Variants in LRRC23 observed in about 807,000 individuals in gnomAD.
LRRC23 encodes the protein leucine-rich repeat-containing protein 23.
A neutral mutation model predicts 37.7 loss-of-function variants in LRRC23; 28 were observed. The ratio of observed to expected loss-of-function variants is 0.74; its 90% CI spans 0.55 to 1.02. The LOEUF (loss-of-function observed/expected upper bound fraction) is 1.02. LRRC23 is among the 50% of genes least tolerant of loss of function. The pLI is 0.00. For synonymous variants in LRRC23, 161 were observed against 165.4 expected (o/e 0.97, Z 0.20); for missense variants, 377 against 413.2 (o/e 0.91, Z 0.76).
At position 6,914,026 on chromosome 12, in the gene LRRC23, TGTGCCG is replaced by T; in HGVS notation, c.*163_*168del. ...ACAACCTGAGGCCCAGGATCTGCTCTGTGCCGGTCCTCTGGGCAGTGTGGGGTGCAG... is the reference window on the plus strand; with the variant it reads ...ACAACCTGAGGCCCAGGATCTGCTCTGTCCTCTGGGCAGTGTGGGGTGCAG... On this transcript the variant is annotated 3_prime_UTR_variant, in exon 8 of 8. Transcript: ENST00000443597. The surrounding 1 kb of genome is among the most constrained non-coding windows in gnomAD (Gnocchi z 7.1). The T allele has an allele frequency of 6.2e-7, 1 of 1,612,332 alleles. No homozygotes were observed. The highest frequency in any genetic ancestry group is 1.1e-5 in the South Asian group (1 of 90,912).
chr12:6,909,942 C>T lies in LRRC23; in HGVS notation c.674C>T (p.Thr225Ile). 3 of 1,613,876 alleles carry T rather than the reference C, an allele frequency of 1.9e-6. No individual in the cohort carries two copies. Among genetic ancestry groups the T allele is most frequent in the Non-Finnish European group, 2.5e-6 (3 of 1,179,886 alleles). The stretch of plus-strand genomic sequence containing the variant: ...GGCTTGGAGGATCTGAGCAATCTCA[C>T]CACCTTGCATCTTCGAGACAACCAG... ...VEGLEDLSNLTTLHLRDNQID... is the reference protein window; with the variant it reads ...VEGLEDLSNLITLHLRDNQID... The change falls in exon 6 of 8, where the codon ACC (threonine) becomes ATC (isoleucine). Residue 225 changes from threonine (T) to isoleucine (I), a missense_variant. Physicochemically the swap from Thr to Ile is moderately conservative, Grantham distance 89. Around this residue, in one of 3 missense-constraint regions of LRRC23, gnomAD observed 266 missense variants for 285.6 expected, o/e 0.93. Coordinates refer to ENST00000443597, the MANE Select transcript of LRRC23 (RefSeq NM_001135217.2).
chr12:6,910,777 C>A (rs1297011731), intron 6 of LRRC23, among the ~76,000 whole-genome samples: 2 of 151,730 alleles, frequency 1.3e-5, no homozygotes, highest in Non-Finnish European at 1.5e-5. Flanking sequence ...ATTAACTGAG[C>A]CTGGTGGTGC....
chr12:6,907,491 C>T (rs782101759), intron 5 of LRRC23, 46 bp downstream of exon 5: 1 of 1,606,812 alleles, frequency 6.2e-7, no homozygotes, highest in Admixed American at 1.7e-5. Context: ...GGGCACTGTC[C>T]TGGGGGTCAG....
At position 6,913,883 on chromosome 12, in the gene LRRC23, A is replaced by G. The variant is rs782570284; in HGVS notation, c.*25-8A>G. The G allele has an allele frequency of 3.8e-6, 6 of 1,576,106 alleles. No homozygotes were observed. ...TGGTCCCTATTTACTTCTGTCTTCT[A>G]CCTCCAGGAGATCAAAGACGCTGGC... On this transcript the variant is annotated splice_region_variant and splice_polypyrimidine_tract_variant and intron_variant, in intron 7 of 7. Coordinates refer to ENST00000443597, the MANE Select transcript of LRRC23 (RefSeq NM_001135217.2).
intron 5 of LRRC23, chr12:6,907,771 C>T (rs1555139888): frequency 1.8e-6 from 1 of 542,420 alleles, no homozygotes; most frequent in Non-Finnish European, 3.3e-6. Context: ...AGCTCTTACA[C>T]TACCACCACA....
At chr12:6,907,905 T>G (rs1944988394) in intron 5 of LRRC23, among the ~76,000 whole-genome samples, 1 of 151,940 alleles carries the variant, frequency 6.6e-6, no homozygotes, top group South Asian at 2.1e-4. Flanking sequence ...TGGCATCAAA[T>G]CCCACAGATT....
At position 6,906,586 on chromosome 12, in the gene LRRC23, T is replaced by G; in HGVS notation, c.414T>G (p.Ile138Met). 2 of 1,614,190 alleles carry G rather than the reference T, an allele frequency of 1.2e-6. No individual in the cohort carries two copies. Among genetic ancestry groups the G allele is most frequent in the Non-Finnish European group, 1.7e-6 (2 of 1,180,034 alleles). The change falls in exon 4 of 8, where the codon ATT becomes ATG. Residue 138 changes from isoleucine to methionine, a missense_variant. Physicochemically the swap from Ile to Met is conservative, Grantham distance 10 (BLOSUM62 1). Around this residue, in one of 3 missense-constraint regions of LRRC23, gnomAD observed 266 missense variants for 285.6 expected, o/e 0.93. Transcript: ENST00000443597. The stretch of plus-strand genomic sequence containing the variant: ...TGAATGAACTGCCCTACCTGCAGAT[T>G]GCTAGTTTTGCTTATAACCAGATTA... ...AQMNELPYLQ[I>M]ASFAYNQITD...
intron 2 of LRRC23, 40 bp downstream of exon 2, chr12:6,905,799 G>A (rs782462045): frequency 3.7e-6 from 6 of 1,613,048 alleles, no homozygotes; most frequent in African/African-American, 2.7e-5. Flanking sequence ...GGCTGAAGGA[G>A]GGGGTTGGGC....
intron 7 of LRRC23, 75 bp from the exon 8 acceptor site, chr12:6,913,816 G>A (rs1470337917): frequency 2.6e-5 from 30 of 1,139,862 alleles, no homozygotes; most frequent in Non-Finnish European, 3.3e-5. Flanking sequence ...GCCCGCCTCC[G>A]CCTTCCAAAG....
Position 6,914,156 on chromosome 12 carries a change from C to G in LRRC23, c.*290C>G. On this transcript the variant is annotated 3_prime_UTR_variant, in exon 8 of 8. Coordinates refer to ENST00000443597, the MANE Select transcript of LRRC23 (RefSeq NM_001135217.2). The surrounding 1 kb of genome is among the most constrained non-coding windows in gnomAD (Gnocchi z 7.1). The stretch of plus-strand genomic sequence containing the variant: ...CCAAGACCGCGTGGGCCGCGGGGTG[C>G]TGGTAGGAGTGGTTGGAGAGACTTG... 1 of 1,319,324 alleles carries G rather than the reference C, an allele frequency of 7.6e-7. No homozygotes were observed. The allele number at this position is 1,319,324 out of a possible 1,614,324, so 81.7% of individuals were successfully genotyped here.
Position 6,912,302 on chromosome 12 carries a change from C to T in LRRC23, c.759-428C>T, listed in dbSNP as rs1175313049. Among the ~76,000 whole-genome samples, 6 of 152,248 alleles carry T rather than the reference C, an allele frequency of 3.9e-5. No individual in the cohort carries two copies. In the East Asian group the frequency reaches 5.8e-4, roughly 15 times the overall value. On this transcript the variant is annotated intron_variant, in intron 6 of 7. Transcript: ENST00000443597. The stretch of plus-strand genomic sequence containing the variant: ...CAAGGACTACAGGTGTATGCCATCA[C>T]GCCCAGCTAATTTTTTTATTTTTAG...
At chr12:6,906,275 C>T in intron 3 of LRRC23, 134 bp from the exon 4 acceptor site, 15 of 860,960 alleles carry the variant, frequency 1.7e-5, no homozygotes, top group South Asian at 6.4e-5. Context: ...CCCTTCTTCT[C>T]CCCTACCATC....
At chr12:6,909,168 T>G (rs1945058903) in intron 5 of LRRC23, among the ~76,000 whole-genome samples, 1 of 12,890 alleles carries the variant, frequency 7.8e-5, no homozygotes, top group Non-Finnish European at 1.0e-4. Context: ...ATATATAAAA[T>G]ATATAATATA....
chr12:6,908,296 G>T (rs887914595), intron 5 of LRRC23, among the ~76,000 whole-genome samples: 1 of 151,868 alleles, frequency 6.6e-6, no homozygotes, highest in Non-Finnish European at 1.5e-5. Flanking sequence ...GCTGGGGAGG[G>T]TCTTAAGAAC....
chr12:6,906,134 A>T (rs1944939619), intron 3 of LRRC23, among the ~76,000 whole-genome samples, 180 bp downstream of exon 3: 1 of 152,044 alleles, frequency 6.6e-6, no homozygotes, highest in Admixed American at 6.6e-5. Context: ...TGACCTGGGG[A>T]ATTGGAGATT....
At chr12:6,910,635 G>A (rs1263971499) in intron 6 of LRRC23, among the ~76,000 whole-genome samples, 1 of 152,138 alleles carries the variant, frequency 6.6e-6, no homozygotes, top group Admixed American at 6.5e-5. Context: ...CTGGAGCCTC[G>A]AGGTGGAGTT....
rs201950014 is a variant in LRRC23 at position 6,910,007 on chromosome 12, T to C, written c.739T>C (p.Leu247=). The part of the protein sequence containing the change: ...LSGFSREMKS[L]QYLNLRGNMV... ...TGGCTTCTCCAGAGAAATGAAATCA[T>C]TGCAGTACCTCAACCTGAGGTATGC... The change falls in exon 6 of 8, where the codon TTG becomes CTG. Residue 247 remains leucine (L), a synonymous_variant. Coordinates refer to ENST00000443597, the MANE Select transcript of LRRC23 (RefSeq NM_001135217.2). 2.9e-5 allele frequency: 47 copies of C among 1,612,766 alleles called. 1 individual carries two copies. In the Middle Eastern group the frequency reaches 2.1e-3, roughly 71 times the overall value.
intron 5 of LRRC23, among the ~76,000 whole-genome samples, chr12:6,909,504 T>TA (rs1555140431): frequency 9.3e-6 from 1 of 107,796 alleles, no homozygotes; most frequent in Non-Finnish European, 1.7e-5. Flanking sequence ...TTATATATTA[T>TA]ATATATAATA....
At chr12:6,909,762 C>T (rs1945112981) in intron 5 of LRRC23, 128 bp from the exon 6 acceptor site, 15 of 805,606 alleles carry the variant, frequency 1.9e-5, no homozygotes, top group Non-Finnish European at 2.8e-5. Context: ...CTACTCACCC[C>T]CACTCCTTTC....
Sources: allele counts gnomAD v4.1 joint callset (sites outside exome capture counted in the v4.1 genomes callset), GRCh38; gene constraint gnomAD v4.1.1; regional missense constraint gnomAD v4.1.1; non-coding constraint Gnocchi (gnomAD v3.1); transcripts MANE v1.5; gene names NCBI Gene and HGNC (gene_info 2026-07-23, HGNC 2026-07-21).